The following KLHL1 variants were observed in gnomAD, a reference collection of about 807,000 sequenced individuals.
KLHL1 encodes the protein kelch like family member 1.
A neutral mutation model predicts 77.7 loss-of-function variants in KLHL1; 47 were observed. The observed-to-expected ratio is 0.60, with a 90% confidence interval of 0.48 to 0.77. KLHL1 has a LOEUF of 0.77. KLHL1 is among the 30% of genes least tolerant of loss of function. The pLI, the probability that KLHL1 is intolerant of heterozygous loss-of-function variation, is 0.00. For synonymous variants in KLHL1, 360 were observed against 325.2 expected (o/e 1.11, Z -1.15); for missense variants, 925 against 910.8 (o/e 1.02, Z -0.20).
At chr13:69,808,999 G>A (rs1323840593) in intron 6 of KLHL1, among the ~76,000 whole-genome samples, 1 of 140,556 alleles carries the variant, frequency 7.1e-6, no homozygotes, top group Middle Eastern at 3.3e-3. Flanking sequence ...AATCTACCTA[G>A]TCAGAAAAAA....
chr13:70,005,185 T>G (rs963992845), intron 1 of KLHL1, among the ~76,000 whole-genome samples: 22 of 151,906 alleles, frequency 1.4e-4, no homozygotes, highest in Non-Finnish European at 5.9e-5. Context: ...AAAATAAACA[T>G]TTATATCTAA....
chr13:69,736,018 AAAAC>A (rs1184040540), intron 8 of KLHL1, among the ~76,000 whole-genome samples: 1 of 152,202 alleles, frequency 6.6e-6, no homozygotes, highest in African/African-American at 2.4e-5. Context: ...AAATTCAACA[AAAAC>A]AAAGATAAAT....
chr13:69,810,031 C>T (rs971091679), intron 6 of KLHL1, among the ~76,000 whole-genome samples: 1 of 151,994 alleles, frequency 6.6e-6, no homozygotes, highest in African/African-American at 2.4e-5. Flanking sequence ...ATTAAAGTAT[C>T]CAGATTTATA....
intron 5 of KLHL1, among the ~76,000 whole-genome samples, chr13:69,863,513 G>T (rs1880253560): frequency 2.0e-5 from 3 of 151,254 alleles, no homozygotes; most frequent in South Asian, 2.1e-4. Context: ...AAAAAATTTT[G>T]CATTTTTCAT....
intron 7 of KLHL1, among the ~76,000 whole-genome samples, chr13:69,777,246 CTT>C (rs1875878301): frequency 1.3e-5 from 2 of 152,238 alleles, no homozygotes; most frequent in South Asian, 4.1e-4. Flanking sequence ...TATTAAACCT[CTT>C]TTTCTTTTTA....
chr13:69,894,770 T>G (rs913905978), intron 4 of KLHL1: 20 of 230,272 alleles, frequency 8.7e-5, no homozygotes, highest in African/African-American at 4.6e-4. Flanking sequence ...ACATTCAGGA[T>G]GTGTGAGAGG....
At chr13:69,825,040 T>G (rs1241792538) in intron 6 of KLHL1, among the ~76,000 whole-genome samples, 1 of 152,130 alleles carries the variant, frequency 6.6e-6, no homozygotes, top group Non-Finnish European at 1.5e-5. Context: ...GATAGATGGA[T>G]ACGTATGTGA....
chr13:69,999,630 T>C (rs1255840943), intron 1 of KLHL1, among the ~76,000 whole-genome samples: 1 of 151,980 alleles, frequency 6.6e-6, no homozygotes, highest in Non-Finnish European at 1.5e-5. Flanking sequence ...TAAAGAAGAC[T>C]CTGTCTGGAA....
chr13:69,884,945 T>TGTA (rs1311465463), intron 4 of KLHL1, among the ~76,000 whole-genome samples: 6 of 143,896 alleles, frequency 4.2e-5, no homozygotes, highest in African/African-American at 1.4e-4. Context: ...TTTTTTTTTT[T>TGTA]TTTTTTGAGA....
chr13:69,705,722 G>C (rs1185015243), intron 10 of KLHL1, among the ~76,000 whole-genome samples: 1 of 151,588 alleles, frequency 6.6e-6, no homozygotes, highest in Non-Finnish European at 1.5e-5. Context: ...TTAAAATAAA[G>C]TTGTTATAAA....
At chr13:69,852,073 C>A (rs1265077603) in intron 5 of KLHL1, among the ~76,000 whole-genome samples, 1 of 151,802 alleles carries the variant, frequency 6.6e-6, no homozygotes, top group Non-Finnish European at 1.5e-5. Context: ...TATTATCCTG[C>A]ATTTATTTTA....
At chr13:69,885,298 T>G (rs2138200179) in intron 4 of KLHL1, among the ~76,000 whole-genome samples, 1 of 152,314 alleles carries the variant, frequency 6.6e-6, no homozygotes, top group Non-Finnish European at 1.5e-5. Flanking sequence ...TTTTGTATTT[T>G]TATAAGTTAC....
intron 7 of KLHL1, among the ~76,000 whole-genome samples, chr13:69,753,938 G>A (rs1874595980): frequency 6.6e-6 from 1 of 152,036 alleles, no homozygotes; most frequent in African/African-American, 2.4e-5. Flanking sequence ...CCAGGCTCAG[G>A]TGATCTTCCC....
chr13:69,995,065 G>T (rs199659260), intron 1 of KLHL1, among the ~76,000 whole-genome samples: 1 of 151,998 alleles, frequency 6.6e-6, no homozygotes, highest in African/African-American at 2.4e-5. Context: ...TAAGCCAGTC[G>T]CCTTTTAAGG....
chr13:69,866,646 C>T (rs1200004012), intron 5 of KLHL1, among the ~76,000 whole-genome samples: 2 of 152,090 alleles, frequency 1.3e-5, no homozygotes, highest in African/African-American at 4.8e-5. Context: ...ACAATCTTCA[C>T]TGTAAAATTT....
At chr13:69,950,178 A>G (rs975994169) in intron 3 of KLHL1, among the ~76,000 whole-genome samples, 2 of 151,706 alleles carry the variant, frequency 1.3e-5, no homozygotes, top group Non-Finnish European at 3.0e-5. Context: ...GTTCAAAAGT[A>G]GCTGCGACAA....
intron 9 of KLHL1, 152 bp downstream of exon 9, chr13:69,719,217 A>T (rs112153124): frequency 0.026 from 8,932 of 338,750 alleles, 114 homozygotes; most frequent in African/African-American, 0.079. Context: ...TGTGAGAGAG[A>T]GAGAGAGAGA....
intron 1 of KLHL1, among the ~76,000 whole-genome samples, chr13:69,999,991 C>T (rs531438831): frequency 6.6e-6 from 1 of 151,962 alleles, no homozygotes; most frequent in African/African-American, 2.4e-5. Flanking sequence ...GTCATGGGGA[C>T]ACATTCCTCA....
chr13:69,759,726 G>C (rs929412995), intron 7 of KLHL1, among the ~76,000 whole-genome samples: 12 of 152,118 alleles, frequency 7.9e-5, no homozygotes, highest in Admixed American at 2.6e-4. Flanking sequence ...CTACAGGGAT[G>C]ACTTTTAGGT....
Sources: gnomAD v4.1 joint callset for allele counts (sites outside exome capture counted in the v4.1 genomes callset) on GRCh38, gnomAD v4.1.1 for gene constraint, MANE v1.5 for transcripts, NCBI Gene and HGNC (gene_info 2026-07-23, HGNC 2026-07-21) for gene names.